The following FGF1 variants were observed in gnomAD, a reference collection of about 807,000 sequenced individuals.
FGF1 encodes the protein beta-endothelial cell growth factor.
In FGF1, 9 loss-of-function variants were observed where a neutral mutation model predicts 13.4. The observed-to-expected ratio is 0.67, with a 90% confidence interval of 0.40 to 1.17. FGF1 has a LOEUF of 1.17. FGF1 is among the 50% of genes most tolerant of loss of function. FGF1 has a pLI of 0.01. For missense variants in FGF1, 156 were observed against 192.7 expected (o/e 0.81, Z 1.13); for synonymous variants, 93 against 79.0 (o/e 1.18, Z -0.94).
intron 1 of FGF1, chr5:142,672,067 G>T (rs1159166817): frequency 6.6e-6 from 1 of 152,084 alleles, no homozygotes; most frequent in Non-Finnish European, 1.5e-5. Context: ...TTACATACAA[G>T]TTAAAAGACT....
chr5:142,666,918 AAAAAAC>A (rs200503430), intron 1 of FGF1, among the ~76,000 whole-genome samples: 9 of 152,110 alleles, frequency 5.9e-5, no homozygotes, highest in African/African-American at 9.6e-5. Context: ...GCCTTGTCTC[AAAAAAC>A]AAAAACAAAA....
At chr5:142,618,616 T>G (rs549941080) in intron 1 of FGF1, among the ~76,000 whole-genome samples, 1 of 152,292 alleles carries the variant, frequency 6.6e-6, no homozygotes, top group Admixed American at 6.5e-5. Context: ...CATTCCCATA[T>G]TTGGCAGAAA....
intron 1 of FGF1, among the ~76,000 whole-genome samples, chr5:142,633,274 A>G (rs1033577728): frequency 4.6e-5 from 7 of 152,184 alleles, no homozygotes; most frequent in Non-Finnish European, 1.0e-4. Flanking sequence ...CTTGGGAAGA[A>G]TTTATGGAAA....
intron 1 of FGF1, among the ~76,000 whole-genome samples, chr5:142,646,089 G>A (rs1453670226): frequency 6.6e-6 from 1 of 150,748 alleles, no homozygotes; most frequent in African/African-American, 2.4e-5. Context: ...TTTTGTATTT[G>A]TAGTAGAGAT....
At chr5:142,690,388 A>G (rs17208929), upstream of FGF1, among the ~76,000 whole-genome samples, 4 of 152,076 alleles carry the variant, frequency 2.6e-5, no homozygotes, top group East Asian at 7.7e-4. Context: ...TAAAACGAAC[A>G]CTCTGTGCAC....
rs1766547926 is a variant in FGF1, at chr5:142,648,273, T to C, written c.-34-34112A>G. Among the ~76,000 whole-genome samples, 5 of 142,560 alleles carry C rather than the reference T, an allele frequency of 3.5e-5. No homozygotes were observed. The South Asian group carries it at 1.1e-3, about 30-fold the overall frequency. 93.5% of individuals were successfully genotyped at this position (142,560 alleles called of 152,430 possible). A position where few individuals can be genotyped will look rare whatever the true frequency, so the allele number is the denominator to read the frequency against. ...GAACCAACCCAATATCCACCAGTGA[T>C]AGACTGGATAAAAAAAAATGTGGCA... On this transcript the variant is annotated intron_variant, in intron 1 of 3. Coordinates refer to ENST00000337706, the MANE Select transcript of FGF1 (RefSeq NM_000800.5).
chr5:142,594,898 T>C lies in FGF1; in HGVS notation c.*392A>G, dbSNP rs1380919490. On this transcript the variant is annotated 3_prime_UTR_variant, in exon 4 of 4. Coordinates refer to ENST00000337706, the MANE Select transcript of FGF1 (RefSeq NM_000800.5). Reference sequence around the variant, plus strand: ...GACAAAAGGGAGCCATGCCAGATGTTTGGGGGAATCACAGATAGGGTTTAC... The same window carrying C: ...GACAAAAGGGAGCCATGCCAGATGTCTGGGGGAATCACAGATAGGGTTTAC... The C allele has an allele frequency of 6.3e-6, 1 of 159,880 alleles. No individual in the cohort carries two copies. The highest frequency in any genetic ancestry group is 2.4e-5 in the African/African-American group (1 of 41,712). The allele number at this position is 159,880 out of a possible 1,614,324, so 9.9% of individuals were successfully genotyped here.
intron 2 of FGF1, among the ~76,000 whole-genome samples, chr5:142,695,546 C>T (rs1451608271): frequency 6.8e-6 from 1 of 147,678 alleles, no homozygotes; most frequent in Admixed American, 6.8e-5. Context: ...CTCACCATTG[C>T]ACTCCAACCT....
At chr5:142,669,532 G>A (rs1168971460) in intron 1 of FGF1, among the ~76,000 whole-genome samples, 1 of 151,932 alleles carries the variant, frequency 6.6e-6, no homozygotes, top group East Asian at 2.0e-4. Context: ...AGAGGATTCT[G>A]CAAAGGAGTA....
intron 3 of FGF1, 148 bp downstream of exon 3, chr5:142,600,550 AAAAT>A: frequency 3.1e-6 from 2 of 647,040 alleles, no homozygotes; most frequent in Non-Finnish European, 5.6e-6. Flanking sequence ...GTTTGTGCCT[AAAAT>A]AAAGCAGAGT....
At chr5:142,685,386 T>A (rs762568316) in intron 1 of FGF1, 7 of 152,132 alleles carry the variant, frequency 4.6e-5, no homozygotes, top group Non-Finnish European at 8.8e-5. Context: ...ATCAAAAGGT[T>A]AATAAAATCT....
In FGF1 at chr5:142,598,921, A is replaced by G. The variant is rs2299018; in HGVS notation, c.273+1781T>C. Among the ~76,000 whole-genome samples, 1,024 of 152,282 alleles carry G rather than the reference A, an allele frequency of 6.7e-3. 22 individuals are homozygous for G. In the East Asian group the frequency reaches 0.069, roughly 10 times the overall value. On this transcript the variant is annotated intron_variant, in intron 3 of 3. Coordinates refer to ENST00000337706, the MANE Select transcript of FGF1 (RefSeq NM_000800.5). ...AATAAACGTCAAAATTTATTTAAAG[A>G]GGGAAAAGCCATAAAACTGTGGCAT... is the stretch of plus-strand genomic sequence containing the variant.
At chr5:142,627,257 A>G (rs1345280348) in intron 1 of FGF1, 1 of 152,180 alleles carries the variant, frequency 6.6e-6, no homozygotes, top group African/African-American at 2.4e-5. Context: ...CCTCTATCAT[A>G]TGGGCTAGAT....
At chr5:142,683,246 C>CAGAG (rs1774043706) in intron 1 of FGF1, among the ~76,000 whole-genome samples, 1 of 152,180 alleles carries the variant, frequency 6.6e-6, no homozygotes, top group South Asian at 2.1e-4. Context: ...CTGCACAATA[C>CAGAG]CTAACCCCTG....
At chr5:142,608,464 C>G (rs867927212) in intron 2 of FGF1, among the ~76,000 whole-genome samples, 1 of 144,774 alleles carries the variant, frequency 6.9e-6, no homozygotes, top group South Asian at 2.2e-4. Context: ...GGGGAAAAAT[C>G]GAATTTGGGG....
At position 142,655,724 on chromosome 5, in the gene FGF1, G is replaced by A. The variant is rs566837387; in HGVS notation, c.-35+30233C>T. ...CAAATATTGAGAAAGAACATCTTGG[G>A]GTTTCAGTGGCCACAGCAGAAGAAG... On this transcript the variant is annotated intron_variant, in intron 1 of 3. Transcript: ENST00000337706. Among the ~76,000 whole-genome samples the A allele has an allele frequency of 2.6e-5, 4 of 152,336 alleles. No homozygotes were observed. The South Asian group carries it at 8.3e-4, about 32-fold the overall frequency.
At chr5:142,684,997 T>C (rs889421639) in intron 1 of FGF1, among the ~76,000 whole-genome samples, 5 of 152,222 alleles carry the variant, frequency 3.3e-5, no homozygotes, top group Non-Finnish European at 5.9e-5. Context: ...ATGGAGTGTT[T>C]GAATTCTGCT....
chr5:142,628,069 A>G (rs531894462), intron 1 of FGF1, among the ~76,000 whole-genome samples: 2 of 152,276 alleles, frequency 1.3e-5, no homozygotes, highest in South Asian at 4.1e-4. Flanking sequence ...AGAGAACATC[A>G]CCAAAGGCCC....
At chr5:142,653,498 G>A (rs563083758) in intron 1 of FGF1, among the ~76,000 whole-genome samples, 3 of 152,184 alleles carry the variant, frequency 2.0e-5, no homozygotes, top group East Asian at 1.9e-4. Flanking sequence ...TTGTGCATTC[G>A]CCATACCAGC....
Sources: gnomAD v4.1 joint callset for allele counts (sites outside exome capture counted in the v4.1 genomes callset) on GRCh38, gnomAD v4.1.1 for gene constraint, MANE v1.5 for transcripts, NCBI Gene and HGNC (gene_info 2026-07-23, HGNC 2026-07-21) for gene names.